VOPP1: variants seen among roughly 807,000 people sequenced by gnomAD.
The protein encoded by VOPP1 is WW domain binding protein VOPP1.
Under a neutral mutation model 23.5 loss-of-function variants are expected in VOPP1, and 8 were observed. That is an observed-to-expected ratio of 0.34 (90% CI 0.20 to 0.61). The LOEUF is 0.61. Among genes scored for constraint, VOPP1 ranks in the 20% least tolerant of loss-of-function variants. VOPP1 has a pLI of 0.78. For synonymous variants in VOPP1, 83 were observed against 97.3 expected (o/e 0.85, Z 0.86); for missense variants, 174 against 238.1 (o/e 0.73, Z 1.77).
intron 1 of VOPP1, chr7:55,552,577 A>G: frequency 6.5e-7 from 1 of 1,535,050 alleles, no homozygotes; most frequent in South Asian, 1.2e-5. Flanking sequence ...AGTCTAGGAA[A>G]ACGCTAAGTG....
At chr7:55,519,751 T>G (rs943633436) in intron 2 of VOPP1, among the ~76,000 whole-genome samples, 4 of 152,188 alleles carry the variant, frequency 2.6e-5, no homozygotes, top group Non-Finnish European at 4.4e-5. Context: ...GAAACCAAGA[T>G]GACGAACATG....
intron 1 of VOPP1, among the ~76,000 whole-genome samples, chr7:55,549,202 A>G (rs1335981776): frequency 6.6e-6 from 1 of 152,246 alleles, no homozygotes; most frequent in Non-Finnish European, 1.5e-5. Context: ...CCAGTTAATC[A>G]TAAACCACTC....
At chr7:55,537,385 G>T in intron 1 of VOPP1, 1 of 1,390,668 alleles carries the variant, frequency 7.2e-7, no homozygotes, top group Non-Finnish European at 9.8e-7. Context: ...CTGATTTCGT[G>T]CTCCAGCCTT....
chr7:55,465,926 T>C (rs1251529740), downstream of VOPP1, among the ~76,000 whole-genome samples: 5 of 152,168 alleles, frequency 3.3e-5, no homozygotes, highest in Non-Finnish European at 7.4e-5. Flanking sequence ...GGACTGAATG[T>C]CTGTGTCCCC....
downstream of VOPP1, among the ~76,000 whole-genome samples, chr7:55,468,462 A>G (rs17172484): frequency 0.17 from 25,729 of 152,028 alleles, 2,340 homozygotes; most frequent in Middle Eastern, 0.26. Context: ...CTTCCAAGGA[A>G]AGGCTGAGGC....
intron 2 of VOPP1, among the ~76,000 whole-genome samples, chr7:55,514,465 C>T (rs535750255): frequency 3.9e-5 from 6 of 152,168 alleles, no homozygotes; most frequent in Non-Finnish European, 8.8e-5. Flanking sequence ...ATTTTCCATC[C>T]CCAAAGAATG....
intron 4 of VOPP1, among the ~76,000 whole-genome samples, chr7:55,465,276 A>T (rs953825012): frequency 6.6e-6 from 1 of 152,192 alleles, no homozygotes; most frequent in Admixed American, 6.5e-5. Flanking sequence ...ATCTCATCCC[A>T]TATAAGTAGT....
downstream of VOPP1, among the ~76,000 whole-genome samples, chr7:55,467,859 C>G (rs767568322): frequency 6.6e-6 from 1 of 152,222 alleles, no homozygotes; most frequent in African/African-American, 2.4e-5. Context: ...CTGTAATACA[C>G]CCCTTCTATC....
In VOPP1 at chr7:55,521,083, T is replaced by C; in HGVS notation, c.102A>G (p.Pro34=). The change falls in exon 2 of 5, where the codon CCA becomes CCG. Residue 34 remains proline, a synonymous_variant. Transcript: ENST00000285279. ...KHCWYFEGLY[P]TYYICRSYED... ...GTGCAAATACTTACATATAATAGGT[T>C]GGATAGAGTCCTTCGAAATACCAGC... 1 of 1,581,058 alleles carries C rather than the reference T, an allele frequency of 6.3e-7. No individual in the cohort carries two copies. Among genetic ancestry groups the C allele is most frequent in the Middle Eastern group, 1.7e-4 (1 of 6,026 alleles).
At chr7:55,565,254 A>G (rs1455702868) in intron 1 of VOPP1, among the ~76,000 whole-genome samples, 1 of 152,084 alleles carries the variant, frequency 6.6e-6, no homozygotes, top group Admixed American at 6.5e-5. Context: ...TCGCGTTTAG[A>G]CACCCTCCTC....
At chr7:55,528,371 T>C (rs554742341) in intron 1 of VOPP1, among the ~76,000 whole-genome samples, 2 of 152,346 alleles carry the variant, frequency 1.3e-5, no homozygotes, top group South Asian at 4.1e-4. Flanking sequence ...GTCTCCAAGT[T>C]TCCTGTATGG....
chr7:55,449,084 C>T (rs568244830), intron 4 of VOPP1, among the ~76,000 whole-genome samples: 65 of 152,350 alleles, frequency 4.3e-4, no homozygotes, highest in South Asian at 1.4e-3. Context: ...CTGCGCCTCT[C>T]TCTGCTATGA....
At chr7:55,567,708 T>G (rs1464627196) in intron 1 of VOPP1, among the ~76,000 whole-genome samples, 1 of 148,868 alleles carries the variant, frequency 6.7e-6, no homozygotes, top group Non-Finnish European at 1.5e-5. Context: ...GCCGGTTCAT[T>G]TATTGCTGCC....
At chr7:55,491,006 T>A (rs998789896) in intron 4 of VOPP1, among the ~76,000 whole-genome samples, 4 of 152,148 alleles carry the variant, frequency 2.6e-5, no homozygotes, top group Admixed American at 2.6e-4. Flanking sequence ...AAGATAATTT[T>A]CTCCTATTAC....
intron 2 of VOPP1, among the ~76,000 whole-genome samples, chr7:55,520,096 C>T (rs903703487): frequency 1.3e-5 from 2 of 151,988 alleles, no homozygotes; most frequent in African/African-American, 4.8e-5. Flanking sequence ...CCACTGCACT[C>T]CAGCCTGGTG....
intron 3 of VOPP1, among the ~76,000 whole-genome samples, chr7:55,496,091 A>C (rs150977039): frequency 0.011 from 1,674 of 152,264 alleles, 11 homozygotes; most frequent in Middle Eastern, 0.02. Context: ...CAGGCCCTAA[A>C]AGTTCAGCTG....
chr7:55,546,004 T>C (rs893911561), intron 1 of VOPP1, among the ~76,000 whole-genome samples: 1 of 152,066 alleles, frequency 6.6e-6, no homozygotes, highest in African/African-American at 2.4e-5. Flanking sequence ...GAGGTCAAGG[T>C]TGCGATGAGC....
At chr7:55,454,671 T>C (rs1483352568) in intron 4 of VOPP1, among the ~76,000 whole-genome samples, 1 of 151,978 alleles carries the variant, frequency 6.6e-6, no homozygotes, top group East Asian at 1.9e-4. Flanking sequence ...ACATAATACA[T>C]TACATAAAGA....
rs1215322153 is a variant in VOPP1, at chr7:55,449,231, C to T, written n.418-13057G>A. Among the ~76,000 whole-genome samples, 3 of 152,326 alleles carry T rather than the reference C, an allele frequency of 2.0e-5. No individual in the cohort carries two copies. In the East Asian group the frequency reaches 5.8e-4, roughly 29 times the overall value. ...CTCCTGTCGGCGCCCGTGCCTCAGG[C>T]GGTCCCGATCCCGCGGCACAGGGGA... On this transcript the variant is annotated intron_variant and non_coding_transcript_variant, in intron 4 of 4. Coordinates refer to the VOPP1 transcript ENST00000462326.
Sources: allele counts gnomAD v4.1 joint callset (sites outside exome capture counted in the v4.1 genomes callset), GRCh38; gene constraint gnomAD v4.1.1; transcripts MANE v1.5; gene names NCBI Gene and HGNC (gene_info 2026-07-23, HGNC 2026-07-21).